Variants in MIPEP observed in about 807,000 individuals in gnomAD.
MIPEP encodes the protein mitochondrial intermediate peptidase.
A neutral mutation model predicts 90.3 loss-of-function variants in MIPEP; 79 were observed. The ratio of observed to expected loss-of-function variants is 0.87; its 90% CI spans 0.73 to 1.05. MIPEP has a LOEUF of 1.05. Ranked by LOEUF, MIPEP falls within the 50% of genes least tolerant of loss-of-function variation. MIPEP has a pLI of 0.00. For missense variants in MIPEP, 940 were observed against 905.6 expected, an observed-to-expected ratio of 1.04 and a Z score of -0.49; for synonymous variants, 334 against 315.8, an observed-to-expected ratio of 1.06 and a Z score of -0.61.
chr13:23,887,981 GAATTCT>G, intron 1 of MIPEP: 1 of 335,032 alleles, frequency 3.0e-6, no homozygotes, highest in Non-Finnish European at 5.7e-6. Context: ...TTGCTCTCGG[GAATTCT>G]AACTATCGGA....
At chr13:23,881,072 TACTC>T (rs1871251586) in intron 3 of MIPEP, among the ~76,000 whole-genome samples, 1 of 152,186 alleles carries the variant, frequency 6.6e-6, no homozygotes, top group African/African-American at 2.4e-5. Context: ...GGCTTAAAAA[TACTC>T]ACATTTACCC....
rs1374404344 is a variant in MIPEP, at chr13:23,836,360, A to G, written c.1544-11T>C. The G allele has an allele frequency of 4.3e-6, 3 of 699,950 alleles. No individual in the cohort carries two copies. The highest frequency in any genetic ancestry group is 5.8e-6 in the Non-Finnish European group (3 of 513,316). The allele number at this position is 699,950 out of a possible 1,614,324, so 43.4% of individuals were successfully genotyped here. On this transcript the variant is annotated splice_polypyrimidine_tract_variant and intron_variant, in intron 13 of 18. Coordinates refer to ENST00000382172, the MANE Select transcript of MIPEP (RefSeq NM_005932.4). Reference sequence around the variant, plus strand: ...TAGGGCACCTGGTCCCTAAAACAAGAAAAAAAAAAAAGTTGGCATGAATCA... The same window carrying G: ...TAGGGCACCTGGTCCCTAAAACAAGGAAAAAAAAAAAGTTGGCATGAATCA...
chr13:23,818,529 A>G (rs1953269303), intron 14 of MIPEP, among the ~76,000 whole-genome samples: 1 of 152,240 alleles, frequency 6.6e-6, no homozygotes, highest in African/African-American at 2.4e-5. Context: ...TGGAACCAGA[A>G]TAGGTTCAGA....
chr13:23,850,395 A>C (rs1265464465), intron 10 of MIPEP, among the ~76,000 whole-genome samples: 1 of 152,200 alleles, frequency 6.6e-6, no homozygotes, highest in Non-Finnish European at 1.5e-5. Context: ...TATAGAACTG[A>C]AAAGACCTTT....
At position 23,730,306 on chromosome 13, in the gene MIPEP, T is replaced by C. The variant is rs1952190575; in HGVS notation, c.*42A>G. On this transcript the variant is annotated 3_prime_UTR_variant, in exon 19 of 19. Coordinates refer to ENST00000382172, the MANE Select transcript of MIPEP (RefSeq NM_005932.4). ...AGCTGTAGCATTTATAACAAAGTCATTATCTACATGACCTTGATTTAAGAG... is the reference window on the plus strand; with the variant it reads ...AGCTGTAGCATTTATAACAAAGTCACTATCTACATGACCTTGATTTAAGAG... 2.3e-6 allele frequency: 3 copies of C among 1,294,886 alleles called. No individual in the cohort carries two copies. The highest frequency in any genetic ancestry group is 2.4e-5 in the East Asian group (1 of 40,854). 80.2% of individuals were successfully genotyped at this position (1,294,886 alleles called of 1,614,324 possible).
At chr13:23,812,513 TGAAC>T (rs1953186548) in intron 14 of MIPEP, among the ~76,000 whole-genome samples, 1 of 151,696 alleles carries the variant, frequency 6.6e-6, no homozygotes, top group Non-Finnish European at 1.5e-5. Context: ...CCTAACTGAC[TGAAC>T]AGACCCCCTG....
At chr13:23,776,542 C>T (rs1424727438) in intron 16 of MIPEP, among the ~76,000 whole-genome samples, 1 of 152,140 alleles carries the variant, frequency 6.6e-6, no homozygotes, top group Non-Finnish European at 1.5e-5. Flanking sequence ...CTGTCTTGTA[C>T]ATGTATATAT....
chr13:23,747,664 C>A, intron 18 of MIPEP: 1 of 403,790 alleles, frequency 2.5e-6, no homozygotes, highest in Non-Finnish European at 4.9e-6. Flanking sequence ...GTAAAATATC[C>A]AAAAATATTC....
chr13:23,847,779 C>A (rs1174075958), intron 10 of MIPEP, among the ~76,000 whole-genome samples: 1 of 152,110 alleles, frequency 6.6e-6, no homozygotes, highest in Non-Finnish European at 1.5e-5. Flanking sequence ...GAAGCTAATA[C>A]AAAGGAAGAG....
chr13:23,761,569 C>A (rs144277820), intron 16 of MIPEP, among the ~76,000 whole-genome samples: 1 of 152,132 alleles, frequency 6.6e-6, no homozygotes, highest in African/African-American at 2.4e-5. Flanking sequence ...TCTTTTCCTA[C>A]GAATACTGCT....
chr13:23,752,311 T>C (rs1210752206), intron 18 of MIPEP, among the ~76,000 whole-genome samples: 2 of 152,180 alleles, frequency 1.3e-5, no homozygotes, highest in Admixed American at 6.5e-5. Context: ...AGTAATATAG[T>C]TTCCATTCCT....
chr13:23,737,821 GA>G (rs1345281933), intron 18 of MIPEP, among the ~76,000 whole-genome samples: 1 of 152,336 alleles, frequency 6.6e-6, no homozygotes, highest in East Asian at 1.9e-4. Context: ...GCCCTAGGGT[GA>G]AATCGTTGGT....
At chr13:23,834,977 T>C (rs1029533692) in intron 14 of MIPEP, among the ~76,000 whole-genome samples, 2 of 152,134 alleles carry the variant, frequency 1.3e-5, no homozygotes, top group African/African-American at 4.8e-5. Context: ...AAATATATTA[T>C]GTTGAAGAGT....
Position 23,806,391 on chromosome 13 carries a change from C to T in MIPEP, c.1729-322G>A, listed in dbSNP as rs746391086. ...GGAATTTTGCCAAAATATATGTAGACGGAAGGCCAGGCGCGGTGGCTCACG... is the reference window on the plus strand; with the variant it reads ...GGAATTTTGCCAAAATATATGTAGATGGAAGGCCAGGCGCGGTGGCTCACG... On this transcript the variant is annotated intron_variant, in intron 15 of 18. Transcript: ENST00000382172. Among the ~76,000 whole-genome samples the T allele has an allele frequency of 2.4e-4, 37 of 152,110 alleles. 1 individual carries two copies. The highest frequency in any genetic ancestry group is 4.1e-4 in the Non-Finnish European group (28 of 67,976).
chr13:23,799,446 C>A (rs1425363492), intron 16 of MIPEP, among the ~76,000 whole-genome samples: 1 of 152,168 alleles, frequency 6.6e-6, no homozygotes, highest in Non-Finnish European at 1.5e-5. Context: ...TCTGCCTCAG[C>A]CTCCCAAGTA....
chr13:23,831,108 A>G (rs1340954910), intron 14 of MIPEP, among the ~76,000 whole-genome samples: 1 of 152,178 alleles, frequency 6.6e-6, no homozygotes, highest in Non-Finnish European at 1.5e-5. Context: ...GTCAATTAGG[A>G]CACATATATT....
chr13:23,845,451 T>C (rs1210603603), intron 10 of MIPEP, among the ~76,000 whole-genome samples: 2 of 152,212 alleles, frequency 1.3e-5, no homozygotes, highest in Non-Finnish European at 2.9e-5. Context: ...TTATTATTGA[T>C]TTTAACTTTT....
intron 18 of MIPEP, among the ~76,000 whole-genome samples, chr13:23,737,768 A>G (rs2138483674): frequency 6.6e-6 from 1 of 152,340 alleles, no homozygotes. Context: ...CCTGTAAGCC[A>G]ACCTTGCAAA....
At chr13:23,790,277 T>C (rs1402440821) in intron 16 of MIPEP, among the ~76,000 whole-genome samples, 1 of 152,188 alleles carries the variant, frequency 6.6e-6, no homozygotes, top group Non-Finnish European at 1.5e-5. Context: ...CACTCACTCC[T>C]TGAAGATTTC....
Sources: gnomAD v4.1 joint callset for allele counts (sites outside exome capture counted in the v4.1 genomes callset) on GRCh38, gnomAD v4.1.1 for gene constraint, MANE v1.5 for transcripts, NCBI Gene and HGNC (gene_info 2026-07-23, HGNC 2026-07-21) for gene names.